TRDN: variants seen among roughly 807,000 people sequenced by gnomAD.
The protein encoded by TRDN is triadin, also known as triadin in skeletal muscle.
Under a neutral mutation model 149.7 loss-of-function variants are expected in TRDN, and 161 were observed. That is an observed-to-expected ratio of 1.08 (90% confidence interval 0.95 to 1.23). The LOEUF is 1.23. TRDN is among the 50% of genes most tolerant of loss of function. The pLI is 0.00. For synonymous variants in TRDN, 294 were observed against 250.5 expected, an observed-to-expected ratio of 1.17 and a Z score of -1.64; for missense variants, 896 against 823.5, an observed-to-expected ratio of 1.09 and a Z score of -1.08.
intron 9 of TRDN, chr6:123,470,855 A>G (rs1425324954): frequency 6.6e-6 from 1 of 152,248 alleles, no homozygotes; most frequent in Non-Finnish European, 1.5e-5. Context: ...ACATAGGAGT[A>G]GTGTAAACTC....
chr6:123,276,686 C>T (rs1562241934), intron 26 of TRDN, among the ~76,000 whole-genome samples: 1 of 152,058 alleles, frequency 6.6e-6, no homozygotes, highest in Non-Finnish European at 1.5e-5. Context: ...ATGTGGTTAT[C>T]CAGGAAACAT....
At chr6:123,494,409 G>A (rs1778346941) in intron 9 of TRDN, among the ~76,000 whole-genome samples, 1 of 151,978 alleles carries the variant, frequency 6.6e-6, no homozygotes, top group Non-Finnish European at 1.5e-5. Flanking sequence ...AGCATCCCTC[G>A]CTGAATTTCT....
intron 38 of TRDN, among the ~76,000 whole-genome samples, chr6:123,229,340 A>C (rs1222221237): frequency 2.6e-5 from 4 of 151,964 alleles, no homozygotes; most frequent in Non-Finnish European, 5.9e-5. Context: ...TACAATAGAA[A>C]GTCCTGGATT....
intron 24 of TRDN, among the ~76,000 whole-genome samples, chr6:123,292,942 G>A (rs761998309): frequency 4.6e-5 from 7 of 152,072 alleles, no homozygotes; most frequent in Non-Finnish European, 7.4e-5. Flanking sequence ...CATCTCTTTT[G>A]TCTTTGTTGG....
intron 9 of TRDN, among the ~76,000 whole-genome samples, chr6:123,485,981 G>A (rs1777954587): frequency 6.6e-6 from 1 of 151,986 alleles, no homozygotes; most frequent in South Asian, 2.1e-4. Context: ...TCAGGTAACT[G>A]AGGAACCCAA....
At position 123,469,290 on chromosome 6, in the gene TRDN, C is replaced by T. The variant is rs1481436358; in HGVS notation, c.854-4307G>A. 2.0e-5 allele frequency among the ~76,000 whole-genome samples: 3 copies of T among 152,116 alleles called. No individual in the cohort carries two copies. The South Asian group carries it at 6.2e-4, about 31-fold the overall frequency. On this transcript the variant is annotated intron_variant, in intron 9 of 40. Transcript: ENST00000334268. ...TAAGGTTGTGTGTTAATAGGGACAC[C>T]TTGACCTTCATGCTTCCTTACTATC...
intron 8 of TRDN, chr6:123,503,228 A>T (rs1267812912): frequency 1.0e-6 from 1 of 984,258 alleles, no homozygotes; most frequent in African/African-American, 1.7e-5. Context: ...TAATAATTGG[A>T]TGTATATTCT....
intron 32 of TRDN, 90 bp downstream of exon 32, chr6:123,267,617 T>C: frequency 1.2e-6 from 1 of 868,984 alleles, no homozygotes; most frequent in East Asian, 3.0e-5. Context: ...GGAAACACAG[T>C]GAAAATGACT....
chr6:123,607,365 AT>A (rs930145394), intron 1 of TRDN, among the ~76,000 whole-genome samples: 2 of 152,198 alleles, frequency 1.3e-5, no homozygotes, highest in Non-Finnish European at 2.9e-5. Flanking sequence ...TAGGTTATTA[AT>A]GTTGATATAT....
At chr6:123,619,955 C>T (rs1316072775) in intron 1 of TRDN, among the ~76,000 whole-genome samples, 1 of 152,114 alleles carries the variant, frequency 6.6e-6, no homozygotes, top group Admixed American at 6.6e-5. Flanking sequence ...TTGACCTCCA[C>T]ACACTTTTGC....
At chr6:123,252,694 C>T (rs1776416797) in intron 37 of TRDN, among the ~76,000 whole-genome samples, 1 of 152,024 alleles carries the variant, frequency 6.6e-6, no homozygotes, top group Admixed American at 6.6e-5. Flanking sequence ...AGCCACAGCT[C>T]ACTGCAGCCT....
intron 38 of TRDN, among the ~76,000 whole-genome samples, chr6:123,237,869 G>T (rs751243193): frequency 3.3e-5 from 5 of 152,232 alleles, no homozygotes; most frequent in African/African-American, 1.2e-4. Flanking sequence ...AAGGCTAAGA[G>T]AACATACTTG....
intron 4 of TRDN, among the ~76,000 whole-genome samples, chr6:123,541,908 T>C (rs1376754241): frequency 1.3e-5 from 2 of 152,162 alleles, no homozygotes; most frequent in Non-Finnish European, 2.9e-5. Context: ...TCCATCTTAC[T>C]CCCGATGACA....
At chr6:123,463,750 C>T (rs1385170687) in intron 10 of TRDN, among the ~76,000 whole-genome samples, 3 of 150,466 alleles carry the variant, frequency 2.0e-5, no homozygotes, top group African/African-American at 7.3e-5. Flanking sequence ...AAATGTAATT[C>T]TGATTTTTTT....
chr6:123,275,755 G>A (rs954690773), intron 26 of TRDN, among the ~76,000 whole-genome samples: 3 of 152,088 alleles, frequency 2.0e-5, no homozygotes, highest in Non-Finnish European at 4.4e-5. Flanking sequence ...TGACATTAAA[G>A]GTTATTCTGA....
At position 123,350,171 on chromosome 6, in the gene TRDN, C is replaced by T. The variant is rs545062773; in HGVS notation, c.1369+2368G>A. ...TTAGTAGACAAATCTTATTTAATTA[C>T]CTAAAAATATTTTTGTCGTGTTTCT... On this transcript the variant is annotated intron_variant, in intron 21 of 40. Transcript: ENST00000334268. The T allele has an allele frequency of 1.0e-4, 100 of 969,692 alleles. No homozygotes were observed. The African/African-American group carries it at 1.6e-3, about 15-fold the overall frequency. 60.1% of individuals were successfully genotyped at this position (969,692 alleles called of 1,614,324 possible).
At chr6:123,601,369 C>T (rs1784266829) in intron 1 of TRDN, among the ~76,000 whole-genome samples, 1 of 152,132 alleles carries the variant, frequency 6.6e-6, no homozygotes, top group Non-Finnish European at 1.5e-5. Context: ...TTGTCATCAA[C>T]ACCTTTTGTT....
intron 1 of TRDN, among the ~76,000 whole-genome samples, chr6:123,601,323 A>G (rs540633472): frequency 6.6e-6 from 1 of 152,272 alleles, no homozygotes; most frequent in South Asian, 2.1e-4. Context: ...ATAATGCTTT[A>G]CCTTACAACA....
At chr6:123,540,999 C>A (rs533996437) in intron 4 of TRDN, among the ~76,000 whole-genome samples, 3 of 152,080 alleles carry the variant, frequency 2.0e-5, no homozygotes, top group Non-Finnish European at 4.4e-5. Flanking sequence ...AAACTTTAAG[C>A]CATCTGCAGT....
Sources: gnomAD v4.1 joint callset for allele counts (sites outside exome capture counted in the v4.1 genomes callset) on GRCh38, gnomAD v4.1.1 for gene constraint, MANE v1.5 for transcripts, NCBI Gene and HGNC (gene_info 2026-07-23, HGNC 2026-07-21) for gene names.